The following POU3F3 variants were observed in gnomAD, a reference collection of about 807,000 sequenced individuals.
POU3F3 encodes POU class 3 homeobox 3, also known as POU domain, class 3, transcription factor 3.
A neutral mutation model predicts 8.6 loss-of-function variants in POU3F3; 1 was observed. The observed-to-expected ratio is 0.12, with a 90% CI of 0.04 to 0.55. The LOEUF (loss-of-function observed/expected upper bound fraction) is 0.55, where lower values mean the gene tolerates loss of function less well. Ranked by LOEUF, POU3F3 falls within the 20% of genes least tolerant of loss-of-function variation. The pLI is 0.91. For missense variants in POU3F3, 577 were observed against 690.7 expected (o/e 0.84, Z 1.84); for synonymous variants, 418 against 327.4 (o/e 1.28, Z -2.99).
chr2:104,894,748 G>T, the POU3F3 span, among the ~76,000 whole-genome samples: 6 of 152,202 alleles, frequency 3.9e-5, no homozygotes, highest in Admixed American at 6.5e-5. Flanking sequence ...TCTGCATGGA[G>T]ATCATTATAA....
the POU3F3 span, among the ~76,000 whole-genome samples, chr2:104,905,742 G>A: frequency 6.6e-6 from 1 of 152,128 alleles, no homozygotes; most frequent in African/African-American, 2.4e-5. Context: ...TCTGCAGGAC[G>A]CCATCTTCCC....
At chr2:104,918,882 T>TTC in the POU3F3 span, among the ~76,000 whole-genome samples, 1 of 147,564 alleles carries the variant, frequency 6.8e-6, no homozygotes, top group African/African-American at 2.5e-5. Context: ...TGAAAACACT[T>TTC]TTTTTTTTTT....
At position 104,857,985 on chromosome 2, in the gene POU3F3, C is replaced by T. The variant is rs1433999178; in HGVS notation, c.*972C>T. ...GGGCCCAGCCAGCGAGGCCGCCGAG[C>T]CAGGCCCGGCCGCGTACCCAGGCTT... On this transcript the variant is annotated 3_prime_UTR_variant, in exon 1 of 1. Coordinates refer to ENST00000361360, the MANE Select transcript of POU3F3 (RefSeq NM_006236.3). 1 of 152,186 alleles carries T rather than the reference C, an allele frequency of 6.6e-6. No individual in the cohort carries two copies. Among genetic ancestry groups the T allele is most frequent in the African/African-American group, 2.4e-5 (1 of 41,434 alleles). The allele number at this position is 152,186 out of a possible 1,614,324, so 9.4% of individuals were successfully genotyped here.
At chr2:104,865,022 A>G in the POU3F3 span, among the ~76,000 whole-genome samples, 2 of 152,236 alleles carry the variant, frequency 1.3e-5, no homozygotes, top group Non-Finnish European at 2.9e-5. Context: ...TTGTATCTGT[A>G]AAATATACTC....
At chr2:104,879,892 T>G in the POU3F3 span, among the ~76,000 whole-genome samples, 36,209 of 152,126 alleles carry the variant, frequency 0.24, 4,324 homozygotes, top group Middle Eastern at 0.35. Context: ...GTAACTTAAC[T>G]GAGAACTTCA....
chr2:104,890,755 A>T, the POU3F3 span, among the ~76,000 whole-genome samples: 2 of 152,194 alleles, frequency 1.3e-5, no homozygotes, highest in African/African-American at 4.8e-5. Context: ...ACACTCGGGT[A>T]AAAGAGGCAG....
chr2:104,855,773 G>T lies in POU3F3; in HGVS notation c.263G>T (p.Gly88Val). Residue 88 changes from glycine to valine, a missense_variant, in exon 1 of 1, where the codon GGC (glycine) becomes GTC (valine). Gly to Val is a moderately radical substitution (Grantham distance 109). Around this residue, in one of 7 missense-constraint regions of POU3F3, gnomAD observed 484 missense variants for 422.6 expected, o/e 1.15. Transcript: ENST00000361360. ...GGGGCCATGGCCGCCAGCAACGGCG[G>T]CCATATGCTGAGCCACGCGCACCAG... is the stretch of plus-strand genomic sequence containing the variant. The part of the protein sequence containing the change: ...MQGAMAASNG[G>V]HMLSHAHQWV... The T allele has an allele frequency of 7.5e-7, 1 of 1,327,130 alleles. No individual in the cohort carries two copies. Among genetic ancestry groups the T allele is most frequent in the Non-Finnish European group, 9.8e-7 (1 of 1,017,392 alleles). 82.2% of individuals were successfully genotyped at this position (1,327,130 alleles called of 1,614,324 possible).
At chr2:104,926,020 A>T in the POU3F3 span, 1 of 152,218 alleles carries the variant, frequency 6.6e-6, no homozygotes, top group South Asian at 2.1e-4. Context: ...GGTTCATAGA[A>T]GATTGTCCTC....
the POU3F3 span, chr2:104,867,896 C>A: frequency 4.7e-6 from 1 of 211,628 alleles, no homozygotes. The surrounding 1 kb of genome is among the most constrained non-coding windows in gnomAD (Gnocchi z 5.0). Flanking sequence ...GCAGCCAAGG[C>A]TGCGCACTCC....
At chr2:104,893,114 A>T in the POU3F3 span, among the ~76,000 whole-genome samples, 1 of 152,198 alleles carries the variant, frequency 6.6e-6, no homozygotes, top group Non-Finnish European at 1.5e-5. Context: ...TACAACTTTC[A>T]TGTGCACGAA....
At chr2:104,925,112 G>C in the POU3F3 span, among the ~76,000 whole-genome samples, 1 of 152,206 alleles carries the variant, frequency 6.6e-6, no homozygotes, top group East Asian at 1.9e-4. Context: ...GCCTACCTTG[G>C]AGCAATCTAG....
At chr2:104,875,219 G>T in the POU3F3 span, among the ~76,000 whole-genome samples, 6 of 152,248 alleles carry the variant, frequency 3.9e-5, no homozygotes, top group African/African-American at 1.4e-4. Flanking sequence ...TACTACATTT[G>T]GTTTACCCAT....
chr2:104,869,842 C>T, the POU3F3 span: 2 of 151,922 alleles, frequency 1.3e-5, no homozygotes, highest in African/African-American at 4.9e-5. Flanking sequence ...TAAGATGAGC[C>T]TTGTGGCAGC....
the POU3F3 span, among the ~76,000 whole-genome samples, chr2:104,908,502 T>C: frequency 6.6e-6 from 1 of 152,218 alleles, no homozygotes; most frequent in East Asian, 1.9e-4. Context: ...CAAGAGCACG[T>C]GACCACCTTG....
the POU3F3 span, among the ~76,000 whole-genome samples, chr2:104,873,888 C>T: frequency 6.6e-6 from 1 of 152,186 alleles, no homozygotes; most frequent in Non-Finnish European, 1.5e-5. Context: ...TTCGGGCGTT[C>T]CCTAAGGCGC....
downstream of POU3F3, among the ~76,000 whole-genome samples, chr2:104,863,028 G>A (rs1676684547): frequency 6.6e-6 from 1 of 151,472 alleles, no homozygotes; most frequent in Non-Finnish European, 1.5e-5. Flanking sequence ...GTTGTCTATC[G>A]GGGTTACTGA....
At chr2:104,891,198 T>A in the POU3F3 span, among the ~76,000 whole-genome samples, 3 of 152,236 alleles carry the variant, frequency 2.0e-5, no homozygotes, top group Non-Finnish European at 2.9e-5. Context: ...CAGGGTCTTG[T>A]AGCTCTTTGA....
the POU3F3 span, among the ~76,000 whole-genome samples, chr2:104,873,724 G>C: frequency 6.6e-6 from 1 of 152,200 alleles, no homozygotes; most frequent in East Asian, 1.9e-4. Context: ...CTGCACTCCT[G>C]GGTCTTGACC....
rs1173218861 is a variant in POU3F3 at position 104,855,146 on chromosome 2, CT to C, written c.-364del. Among the ~76,000 whole-genome samples, 1 of 151,716 alleles carries C rather than the reference CT, an allele frequency of 6.6e-6. No homozygotes were observed. The highest frequency in any genetic ancestry group is 1.5e-5 in the Non-Finnish European group (1 of 67,868). On this transcript the variant is annotated 5_prime_UTR_variant, in exon 1 of 1. Transcript: ENST00000361360. ...GGCTGGGGGGCGGCCACGACCCCCC[CT>C]GAAGGGGGTGGCCACGGAGCGCACC...
Sources: gnomAD v4.1 joint callset for allele counts (sites outside exome capture counted in the v4.1 genomes callset) on GRCh38, gnomAD v4.1.1 for gene constraint, gnomAD v4.1.1 regional missense constraint, Gnocchi (gnomAD v3.1) non-coding constraint, MANE v1.5 for transcripts, NCBI Gene and HGNC (gene_info 2026-07-23, HGNC 2026-07-21) for gene names.